TSPAN11: variants seen among roughly 807,000 people sequenced by gnomAD.
TSPAN11 encodes tetraspanin-11.
In TSPAN11, 29 loss-of-function variants were observed where a neutral mutation model predicts 32.9. The observed-to-expected ratio is 0.88, with a 90% CI of 0.66 to 1.20. The LOEUF (loss-of-function observed/expected upper bound fraction) is 1.20, where lower values mean the gene tolerates loss of function less well. Ranked by LOEUF, TSPAN11 falls within the 50% of genes most tolerant of loss-of-function variation. The pLI, the probability that TSPAN11 is intolerant of heterozygous loss-of-function variation, is 0.00. For synonymous variants in TSPAN11, 140 were observed against 141.3 expected (o/e 0.99, Z 0.07); for missense variants, 283 against 329.1 (o/e 0.86, Z 1.08).
chr12:30,940,840 C>T (rs1938145790), intron 1 of TSPAN11, among the ~76,000 whole-genome samples: 1 of 152,206 alleles, frequency 6.6e-6, no homozygotes, highest in Non-Finnish European at 1.5e-5. Context: ...GCATTACCGC[C>T]TGAGCTCCGC....
the TSPAN11 span, among the ~76,000 whole-genome samples, chr12:31,006,542 G>A: frequency 2.6e-5 from 4 of 152,372 alleles, no homozygotes; most frequent in Admixed American, 2.0e-4. Context: ...TCCCCAGACT[G>A]GGGCCTCACC....
rs1269565002 is a variant in TSPAN11, at chr12:30,975,028, C to T, written c.277-3533C>T. On this transcript the variant is annotated intron_variant, in intron 3 of 7. Transcript: ENST00000546076. This position sits in a 1 kb window ranked among gnomAD's most constrained non-coding sequence, Gnocchi z 4.5. ...GACAGGTAGGCACCAGCATTCCAGGCAGGGGGACAGGCAGGGCAAAGGCCC... is the reference window on the plus strand; with the variant it reads ...GACAGGTAGGCACCAGCATTCCAGGTAGGGGGACAGGCAGGGCAAAGGCCC... Among the ~76,000 whole-genome samples the T allele has an allele frequency of 1.3e-5, 2 of 152,230 alleles. No homozygotes were observed. Among genetic ancestry groups the T allele is most frequent in the African/African-American group, 4.8e-5 (2 of 41,470 alleles).
intron 3 of TSPAN11, among the ~76,000 whole-genome samples, chr12:30,977,205 C>T (rs925308822): frequency 1.3e-5 from 2 of 152,352 alleles, no homozygotes; most frequent in Non-Finnish European, 1.5e-5. Context: ...CCTGCTGAGT[C>T]GTGCAGGAGA....
At chr12:30,999,487 C>A (rs141636141), downstream of TSPAN11, among the ~76,000 whole-genome samples, 50 of 152,244 alleles carry the variant, frequency 3.3e-4, no homozygotes, top group African/African-American at 1.1e-3. Context: ...TTACATTAGC[C>A]TACGTTTCAG....
At chr12:30,973,353 G>T (rs1938892414) in intron 3 of TSPAN11, among the ~76,000 whole-genome samples, 1 of 152,368 alleles carries the variant, frequency 6.6e-6, no homozygotes, top group South Asian at 2.1e-4. Flanking sequence ...AGGGGGGCTG[G>T]CACCTGGGAA....
intron 4 of TSPAN11, chr12:30,978,982 C>T (rs1175369254): frequency 3.2e-6 from 1 of 317,018 alleles, no homozygotes; most frequent in Non-Finnish European, 5.9e-6. Context: ...ACATGCCAGA[C>T]CCCGAAACAG....
At chr12:30,984,778 G>A (rs997699949) in intron 7 of TSPAN11, among the ~76,000 whole-genome samples, 2 of 151,928 alleles carry the variant, frequency 1.3e-5, no homozygotes, top group African/African-American at 2.4e-5. Context: ...GGCTGGTCTC[G>A]AACTCTTGAC....
At position 30,953,337 on chromosome 12, in the gene TSPAN11, C is replaced by T. The variant is rs370102742; in HGVS notation, c.-11-644C>T. ...TGCTGAGGGATGGGAGGTCATGTAA[C>T]TTGCCCAAAGTATCACACATCTTGT... On this transcript the variant is annotated intron_variant, in intron 1 of 7. Coordinates refer to ENST00000546076, the MANE Select transcript of TSPAN11 (RefSeq NM_001370302.1). Among the ~76,000 whole-genome samples the T allele has an allele frequency of 2.3e-4, 35 of 152,296 alleles. No homozygotes were observed. The East Asian group carries it at 6.4e-3, about 28-fold the overall frequency.
intron 7 of TSPAN11, among the ~76,000 whole-genome samples, chr12:30,989,216 G>A (rs1338622814): frequency 1.3e-5 from 2 of 152,216 alleles, no homozygotes; most frequent in Non-Finnish European, 2.9e-5. Context: ...TGCTGTGTTA[G>A]CAGGAGTCCT....
Position 30,979,622 on chromosome 12 carries a change from G to C in TSPAN11, c.408G>C (p.Gln136His), listed in dbSNP as rs770117851. 1.9e-6 allele frequency: 3 copies of C among 1,614,166 alleles called. No individual in the cohort carries two copies. The highest frequency in any genetic ancestry group is 2.2e-5 in the South Asian group (2 of 91,078). ...GGACTCTGGCTGAGAACTACGGGCA[G>C]CCCGGAGCCACGCAGATCACCGCCT... The part of the protein sequence containing the change: ...LNRTLAENYG[Q>H]PGATQITASV... Residue 136 changes from glutamine (Q) to histidine (H), a missense_variant, in exon 5 of 8, where the codon CAG becomes CAC. Gln to His is a conservative substitution (Grantham distance 24, BLOSUM62 0). Transcript: ENST00000546076.
At chr12:30,943,930 A>C (rs1308591294) in intron 1 of TSPAN11, among the ~76,000 whole-genome samples, 1 of 152,166 alleles carries the variant, frequency 6.6e-6, no homozygotes, top group East Asian at 1.9e-4. Flanking sequence ...TTAAGTTATA[A>C]ATTAAACCAT....
At chr12:30,933,726 G>C (rs1379660941) in intron 1 of TSPAN11, among the ~76,000 whole-genome samples, 1 of 152,198 alleles carries the variant, frequency 6.6e-6, no homozygotes, top group Non-Finnish European at 1.5e-5. Context: ...CCTAGGAGGG[G>C]CTGCTCTGGG....
rs1939322518 is a variant in TSPAN11, at chr12:30,991,960, G to A, written c.*45G>A. Reference sequence around the variant, plus strand: ...CCAACTGCCCCTCAAGACAACATGTGGCCACATGCCATCTGCAAGGCCTGC... The same window carrying A: ...CCAACTGCCCCTCAAGACAACATGTAGCCACATGCCATCTGCAAGGCCTGC... On this transcript the variant is annotated 3_prime_UTR_variant, in exon 8 of 8. Coordinates refer to ENST00000546076, the MANE Select transcript of TSPAN11 (RefSeq NM_001370302.1). The A allele has an allele frequency of 1.9e-6, 3 of 1,609,364 alleles. No individual in the cohort carries two copies. Among genetic ancestry groups the A allele is most frequent in the African/African-American group, 2.7e-5 (2 of 74,930 alleles).
chr12:30,929,269 C>T (rs1009379661), intron 1 of TSPAN11, among the ~76,000 whole-genome samples: 4 of 152,200 alleles, frequency 2.6e-5, no homozygotes, highest in Non-Finnish European at 4.4e-5. Flanking sequence ...GAAATCCGCA[C>T]TTGACCCTCA....
At position 30,989,131 on chromosome 12, in the gene TSPAN11, G is replaced by A. The variant is rs149293996; in HGVS notation, c.703-2725G>A. 4.3e-4 allele frequency among the ~76,000 whole-genome samples: 65 copies of A among 152,308 alleles called. 1 individual carries two copies. The highest frequency in any genetic ancestry group is 1.5e-3 in the African/African-American group (64 of 41,556). The stretch of plus-strand genomic sequence containing the variant: ...AGGGCCACATTGCAGGCAGAGTGCC[G>A]TCCCTTCTCCCAGGGAGATTTTACT... On this transcript the variant is annotated intron_variant, in intron 7 of 7. Transcript: ENST00000546076.
chr12:30,969,605 G>A (rs1289970942), intron 3 of TSPAN11, among the ~76,000 whole-genome samples: 7 of 152,170 alleles, frequency 4.6e-5, no homozygotes, highest in South Asian at 4.1e-4. Context: ...GGGATGCAGC[G>A]GGTGTACCTG....
the TSPAN11 span, among the ~76,000 whole-genome samples, chr12:31,013,880 G>A: frequency 6.6e-6 from 1 of 152,150 alleles, no homozygotes; most frequent in Non-Finnish European, 1.5e-5. Context: ...TTGGAAATGT[G>A]GCTAGTCTAA....
intron 3 of TSPAN11, among the ~76,000 whole-genome samples, chr12:30,971,161 C>G (rs1374506171): frequency 6.6e-6 from 1 of 152,216 alleles, no homozygotes; most frequent in Non-Finnish European, 1.5e-5. Context: ...CCTGCCTGGA[C>G]TGCCTTGACT....
chr12:30,950,756 G>A (rs1006617908), intron 1 of TSPAN11, among the ~76,000 whole-genome samples: 1 of 152,108 alleles, frequency 6.6e-6, no homozygotes, highest in Non-Finnish European at 1.5e-5. Context: ...TCCAGCTCAT[G>A]GCCCAGGATG....
Sources: gnomAD v4.1 joint callset for allele counts (sites outside exome capture counted in the v4.1 genomes callset) on GRCh38, gnomAD v4.1.1 for gene constraint, Gnocchi (gnomAD v3.1) non-coding constraint, MANE v1.5 for transcripts, NCBI Gene and HGNC (gene_info 2026-07-23, HGNC 2026-07-21) for gene names.